Variants in MCC observed in about 807,000 individuals in gnomAD.
MCC encodes MCC regulator of Wnt signaling pathway.
MCC carries 90 observed loss-of-function variants against 116.2 expected under a neutral mutation model. The ratio of observed to expected loss-of-function variants is 0.77; its 90% CI spans 0.65 to 0.92. The LOEUF (loss-of-function observed/expected upper bound fraction) is 0.92, where lower values mean the gene tolerates loss of function less well. Ranked by LOEUF, MCC falls within the 40% of genes least tolerant of loss-of-function variation. The probability of loss-of-function intolerance (pLI) is 0.00; values close to 1 mark genes in which losing one functional copy is unlikely to be tolerated. For missense variants in MCC, 1,516 were observed against 1,312.2 expected, an observed-to-expected ratio of 1.16 and a Z score of -2.40; for synonymous variants, 578 against 510.5, an observed-to-expected ratio of 1.13 and a Z score of -1.78.
At chr5:113,111,617 T>C (rs1757103160) in intron 6 of MCC, among the ~76,000 whole-genome samples, 1 of 152,244 alleles carries the variant, frequency 6.6e-6, no homozygotes. Flanking sequence ...TGGGTCTCTA[T>C]TTAGAAATTC....
chr5:113,182,467 A>C (rs1299423390), intron 3 of MCC, among the ~76,000 whole-genome samples: 2 of 152,122 alleles, frequency 1.3e-5, no homozygotes, highest in Non-Finnish European at 2.9e-5. Flanking sequence ...ATATTCTCCT[A>C]ACTTCAAAAG....
intron 8 of MCC, among the ~76,000 whole-genome samples, chr5:113,099,195 T>C (rs1756241204): frequency 6.6e-6 from 1 of 152,260 alleles, no homozygotes; most frequent in South Asian, 2.1e-4. Flanking sequence ...AGAATATCTC[T>C]AGTTGAGGAA....
intron 3 of MCC, among the ~76,000 whole-genome samples, chr5:113,222,446 T>G (rs1280533102): frequency 1.3e-5 from 2 of 152,248 alleles, no homozygotes; most frequent in African/African-American, 2.4e-5. Context: ...TCCTAAGTAT[T>G]CCCTCTACTT....
intron 17 of MCC, among the ~76,000 whole-genome samples, chr5:113,037,553 C>G (rs1393376025): frequency 6.6e-6 from 1 of 152,082 alleles, no homozygotes; most frequent in African/African-American, 2.4e-5. Context: ...ATTAGCCAGG[C>G]GTGGTGGTGT....
chr5:113,399,857 T>C (rs1296598684), intron 1 of MCC: 1 of 152,170 alleles, frequency 6.6e-6, no homozygotes, highest in Non-Finnish European at 1.5e-5. Context: ...TAATTCCTTC[T>C]GATGTTTGGC....
At chr5:113,456,309 T>C (rs1006409327) in intron 1 of MCC, among the ~76,000 whole-genome samples, 1 of 152,220 alleles carries the variant, frequency 6.6e-6, no homozygotes, top group Non-Finnish European at 1.5e-5. Flanking sequence ...TAAATCCTTT[T>C]ATATGGGTCG....
At chr5:113,311,746 G>A (rs185239842) in intron 3 of MCC, among the ~76,000 whole-genome samples, 1 of 152,246 alleles carries the variant, frequency 6.6e-6, no homozygotes, top group Non-Finnish European at 1.5e-5. Context: ...GCTGAGGCGG[G>A]TGGATCACTG....
intron 1 of MCC, among the ~76,000 whole-genome samples, chr5:113,476,147 A>G (rs1276146174): frequency 6.6e-6 from 1 of 152,216 alleles, no homozygotes; most frequent in East Asian, 1.9e-4. Flanking sequence ...ATTCAACACA[A>G]TCCTTATAAA....
intron 1 of MCC, among the ~76,000 whole-genome samples, chr5:113,388,661 TCACCA>T (rs1306106073): frequency 6.6e-6 from 1 of 152,192 alleles, no homozygotes; most frequent in Admixed American, 6.5e-5. Context: ...CCTGAGGCCT[TCACCA>T]GAAGCAGATG....
At chr5:113,132,129 TTTTTC>T (rs1008990679) in intron 5 of MCC, among the ~76,000 whole-genome samples, 2 of 151,878 alleles carry the variant, frequency 1.3e-5, no homozygotes, top group African/African-American at 4.8e-5. Context: ...ATTTATAATT[TTTTTC>T]TTTTGAGTTT....
At chr5:113,106,650 C>T (rs1756749972) in intron 6 of MCC, among the ~76,000 whole-genome samples, 1 of 152,166 alleles carries the variant, frequency 6.6e-6, no homozygotes, top group Non-Finnish European at 1.5e-5. Flanking sequence ...GCTTTAAACT[C>T]TTGGGTTCAA....
chr5:113,367,652 A>AAG lies in MCC; in HGVS notation c.415+17314_415+17315dup, dbSNP rs375991374. Reference sequence around the variant, plus strand: ...GGTGGGGGGGGGGAAGAGAGAGAGAAAGAGAGAGAGAGAGAGCGAGAGAGA... The same window carrying AAG: ...GGTGGGGGGGGGGAAGAGAGAGAGAAAGAGAGAGAGAGAGAGAGCGAGAGAGA... On this transcript the variant is annotated intron_variant, in intron 2 of 18. Transcript: ENST00000408903. 1.4e-3 allele frequency among the ~76,000 whole-genome samples: 200 copies of AAG among 141,922 alleles called. 1 individual carries two copies. Among genetic ancestry groups the AAG allele is most frequent in the African/African-American group, 4.5e-3 (178 of 39,164 alleles). The allele number at this position is 141,922 out of a possible 152,430, so 93.1% of individuals were successfully genotyped here.
chr5:113,075,522 A>G (rs116229956), intron 11 of MCC, among the ~76,000 whole-genome samples: 22,272 of 152,088 alleles, frequency 0.15, 1,872 homozygotes, highest in South Asian at 0.22. Flanking sequence ...GGTCTTGGAG[A>G]ACTTTTAAGT....
chr5:113,099,607 A>T (rs1230681475), intron 8 of MCC, among the ~76,000 whole-genome samples: 1 of 152,234 alleles, frequency 6.6e-6, no homozygotes, highest in East Asian at 1.9e-4. Flanking sequence ...ACTGAGGCAC[A>T]GAGAGGTTAG....
chr5:113,216,176 G>T (rs554595720), intron 3 of MCC, among the ~76,000 whole-genome samples: 5 of 150,200 alleles, frequency 3.3e-5, no homozygotes, highest in African/African-American at 1.2e-4. Flanking sequence ...TTGCACCAGA[G>T]ACCATATACC....
At chr5:113,172,685 T>C (rs1443003289) in intron 3 of MCC, among the ~76,000 whole-genome samples, 4 of 152,214 alleles carry the variant, frequency 2.6e-5, no homozygotes, top group African/African-American at 4.8e-5. Flanking sequence ...AATTATAGAA[T>C]GTGTAACCAA....
At chr5:113,073,950 G>A (rs1481420768) in intron 11 of MCC, among the ~76,000 whole-genome samples, 1 of 152,232 alleles carries the variant, frequency 6.6e-6, no homozygotes, top group Non-Finnish European at 1.5e-5. Flanking sequence ...CCACCGCTGG[G>A]GGCAGGGCAT....
At chr5:113,035,142 C>T (rs770468771) in intron 17 of MCC, among the ~76,000 whole-genome samples, 27 of 152,224 alleles carry the variant, frequency 1.8e-4, no homozygotes, top group South Asian at 6.2e-4. Context: ...AACAGCCACT[C>T]TCTCTCCTGT....
intron 2 of MCC, among the ~76,000 whole-genome samples, chr5:113,354,781 T>C (rs954123081): frequency 1.3e-5 from 1 of 75,704 alleles, no homozygotes; most frequent in African/African-American, 6.5e-5. Flanking sequence ...CCATATACCC[T>C]GTATTATTAT....
Sources: gnomAD v4.1 joint callset for allele counts (sites outside exome capture counted in the v4.1 genomes callset) on GRCh38, gnomAD v4.1.1 for gene constraint, MANE v1.5 for transcripts, NCBI Gene and HGNC (gene_info 2026-07-23, HGNC 2026-07-21) for gene names.